Variants in SND1 observed in about 807,000 individuals in gnomAD.
SND1 encodes the protein staphylococcal nuclease domain-containing protein 1.
A neutral mutation model predicts 121.7 loss-of-function variants in SND1; 38 were observed. The ratio of observed to expected loss-of-function variants is 0.31; its 90% CI spans 0.24 to 0.41. SND1 has a LOEUF of 0.41. SND1 is among the 10% of genes least tolerant of loss of function. The probability of loss-of-function intolerance (pLI) is 1.00; values close to 1 mark genes in which losing one functional copy is unlikely to be tolerated. For missense variants in SND1, 868 were observed against 1,184.6 expected (o/e 0.73, Z 3.92); for synonymous variants, 401 against 447.4 (o/e 0.90, Z 1.31).
chr7:127,832,346 A>G (rs1000601250), intron 11 of SND1, among the ~76,000 whole-genome samples: 2 of 152,228 alleles, frequency 1.3e-5, no homozygotes, highest in Non-Finnish European at 2.9e-5. Flanking sequence ...ACCTCCAATG[A>G]TGTTATAATA....
At chr7:127,937,048 C>T (rs1158433016) in intron 15 of SND1, among the ~76,000 whole-genome samples, 3 of 145,956 alleles carry the variant, frequency 2.1e-5, no homozygotes, top group South Asian at 2.1e-4. Flanking sequence ...ATACTTTTCT[C>T]CTGAATTGGA....
chr7:127,910,510 G>A (rs1348699431), intron 14 of SND1, among the ~76,000 whole-genome samples: 7 of 151,934 alleles, frequency 4.6e-5, no homozygotes, highest in African/African-American at 1.4e-4. Flanking sequence ...GAAGGTAAAA[G>A]GAGCAAAATC....
At chr7:127,703,113 CCTAGCACTCA>C in intron 6 of SND1, 42 bp from the exon 7 acceptor site, 1 of 1,605,486 alleles carries the variant, frequency 6.2e-7, no homozygotes, top group Non-Finnish European at 8.5e-7. Context: ...GGCGAGAGTG[CCTAGCACTCA>C]CATTTAGGCT....
intron 11 of SND1, among the ~76,000 whole-genome samples, chr7:127,843,594 A>G (rs1325803755): frequency 6.6e-6 from 1 of 152,158 alleles, no homozygotes; most frequent in Non-Finnish European, 1.5e-5. Flanking sequence ...TTATCACTGA[A>G]TAATATTCTG....
At chr7:127,884,263 G>T (rs1297216210) in intron 12 of SND1, among the ~76,000 whole-genome samples, 1 of 151,958 alleles carries the variant, frequency 6.6e-6, no homozygotes, top group Non-Finnish European at 1.5e-5. Flanking sequence ...TTTATCTAAG[G>T]AGCCCACATT....
intron 10 of SND1, among the ~76,000 whole-genome samples, chr7:127,796,885 TG>T (rs1350011294): frequency 2.8e-5 from 4 of 141,622 alleles, no homozygotes; most frequent in Admixed American, 2.4e-4. Flanking sequence ...TTTATTTTCC[TG>T]AGTCTTTTTT....
chr7:127,674,478 G>A (rs1329409990), intron 1 of SND1, among the ~76,000 whole-genome samples: 2 of 152,160 alleles, frequency 1.3e-5, no homozygotes, highest in Admixed American at 6.5e-5. Flanking sequence ...CAGTTCCCCT[G>A]TAGGTAACAA....
chr7:127,720,998 A>G (rs766478886), intron 9 of SND1, among the ~76,000 whole-genome samples: 1 of 152,176 alleles, frequency 6.6e-6, no homozygotes, highest in Non-Finnish European at 1.5e-5. Context: ...TCCAGTTCTT[A>G]AGCTTTGTAG....
At chr7:128,034,738 G>GC (rs549776490) in intron 16 of SND1, among the ~76,000 whole-genome samples, 1 of 152,174 alleles carries the variant, frequency 6.6e-6, no homozygotes, top group Non-Finnish European at 1.5e-5. Flanking sequence ...AGGCTGCTTT[G>GC]CCCCCTGTAA....
intron 16 of SND1, among the ~76,000 whole-genome samples, chr7:128,019,004 TACC>T (rs1411508744): frequency 2.0e-5 from 3 of 152,296 alleles, no homozygotes; most frequent in Admixed American, 2.0e-4. Flanking sequence ...ATGAACTTAT[TACC>T]ACATTTCACA....
intron 2 of SND1, among the ~76,000 whole-genome samples, chr7:127,689,534 A>G (rs1040148936): frequency 6.6e-6 from 1 of 152,216 alleles, no homozygotes; most frequent in African/African-American, 2.4e-5. Context: ...AACTTGTTCT[A>G]AAATATCATA....
intron 16 of SND1, among the ~76,000 whole-genome samples, chr7:128,008,654 T>C (rs897735349): frequency 6.6e-6 from 1 of 152,114 alleles, no homozygotes; most frequent in African/African-American, 2.4e-5. Context: ...TTTCCTCTGG[T>C]ATCCCATGCC....
At chr7:127,959,519 C>T (rs1801677972) in intron 15 of SND1, among the ~76,000 whole-genome samples, 1 of 152,194 alleles carries the variant, frequency 6.6e-6, no homozygotes, top group African/African-American at 2.4e-5. Context: ...ACTTCACTGC[C>T]TCTACTCCTG....
At chr7:127,672,183 G>C (rs756218169) in intron 1 of SND1, among the ~76,000 whole-genome samples, 13 of 151,964 alleles carry the variant, frequency 8.6e-5, no homozygotes, top group Non-Finnish European at 1.5e-4. Context: ...TGAATTATTT[G>C]AGAGTAATCT....
chr7:127,747,742 A>C (rs1028780161), intron 10 of SND1, among the ~76,000 whole-genome samples: 1 of 152,178 alleles, frequency 6.6e-6, no homozygotes, highest in African/African-American at 2.4e-5. Flanking sequence ...CACTATAATA[A>C]TTTTTAGCAG....
At chr7:127,982,866 G>C (rs1802297895) in intron 15 of SND1, among the ~76,000 whole-genome samples, 1 of 152,210 alleles carries the variant, frequency 6.6e-6, no homozygotes, top group African/African-American at 2.4e-5. Context: ...GCTATTACAG[G>C]TCTGAGAAGC....
chr7:127,828,065 C>T (rs906789491), intron 11 of SND1, among the ~76,000 whole-genome samples: 2 of 152,078 alleles, frequency 1.3e-5, no homozygotes, highest in African/African-American at 4.8e-5. Context: ...GGCATGTTCT[C>T]GGCTCACTGA....
intron 16 of SND1, among the ~76,000 whole-genome samples, chr7:128,067,265 C>G (rs572346841): frequency 2.6e-5 from 4 of 152,232 alleles, no homozygotes. Flanking sequence ...GATCACAGTT[C>G]TAGCCCAGGG....
At chr7:127,882,326 G>C (rs1165127552) in intron 12 of SND1, among the ~76,000 whole-genome samples, 1 of 148,592 alleles carries the variant, frequency 6.7e-6, no homozygotes, top group Non-Finnish European at 1.5e-5. Flanking sequence ...GGGTAGTCTG[G>C]CTTGGGGTGT....
Sources: gnomAD v4.1 joint callset for allele counts (sites outside exome capture counted in the v4.1 genomes callset) on GRCh38, gnomAD v4.1.1 for gene constraint, MANE v1.5 for transcripts, NCBI Gene and HGNC (gene_info 2026-07-23, HGNC 2026-07-21) for gene names.